ARIH1: variants seen among roughly 807,000 people sequenced by gnomAD.
ARIH1 encodes the protein ariadne RBR E3 ubiquitin protein ligase 1.
Under a neutral mutation model 85.0 loss-of-function variants are expected in ARIH1, and 8 were observed. The ratio of observed to expected loss-of-function variants is 0.09; its 90% confidence interval spans 0.06 to 0.17. The LOEUF (loss-of-function observed/expected upper bound fraction) is 0.17, where lower values mean the gene tolerates loss of function less well. Ranked by LOEUF, ARIH1 falls within the 10% of genes least tolerant of loss-of-function variation. The pLI is 1.00. For missense variants in ARIH1, 311 were observed against 718.1 expected, an observed-to-expected ratio of 0.43 and a Z score of 6.48; for synonymous variants, 238 against 253.6, an observed-to-expected ratio of 0.94 and a Z score of 0.59.
At position 72,583,305 on chromosome 15, in the gene ARIH1, A is replaced by C. The variant is rs1158121438; in HGVS notation, c.*13A>C. 1.9e-6 allele frequency: 3 copies of C among 1,604,888 alleles called. No individual in the cohort carries two copies. In the Admixed American group the frequency reaches 5.1e-5, roughly 27 times the overall value. ...CATTGAGGACTGAGAATGGCCCTGC[A>C]TAAAATGAACTCTGAAAACTTTACC... On this transcript the variant is annotated 3_prime_UTR_variant, in exon 14 of 14. Coordinates refer to ENST00000379887, the MANE Select transcript of ARIH1 (RefSeq NM_005744.5).
At position 72,583,953 on chromosome 15, in the gene ARIH1, G is replaced by A. The variant is rs910960686; in HGVS notation, c.*661G>A. 6 of 152,180 alleles carry A rather than the reference G, an allele frequency of 3.9e-5. No homozygotes were observed. Among genetic ancestry groups the A allele is most frequent in the African/African-American group, 1.4e-4 (6 of 41,446 alleles). 9.4% of individuals were successfully genotyped at this position (152,180 alleles called of 1,614,324 possible). On this transcript the variant is annotated 3_prime_UTR_variant, in exon 14 of 14. Transcript: ENST00000379887. The stretch of plus-strand genomic sequence containing the variant: ...CATGGACAAAGCAAGCGTGGCACGT[G>A]TTTGCATAATGTTTAATTACAAAAA...
At chr15:72,517,937 A>G (rs1238703475) in intron 1 of ARIH1, 130 bp from the exon 2 acceptor site, 1 of 615,168 alleles carries the variant, frequency 1.6e-6, no homozygotes, top group African/African-American at 1.9e-5. Flanking sequence ...CCTTAGAGGA[A>G]TAAAGAAATA....
At chr15:72,569,333 T>TG (rs1379829325) in intron 9 of ARIH1, among the ~76,000 whole-genome samples, 6 of 151,960 alleles carry the variant, frequency 3.9e-5, no homozygotes, top group African/African-American at 1.5e-4. Flanking sequence ...GATTTGGACT[T>TG]GGAAAAAAAC....
rs2064377895 is a variant in ARIH1 at position 72,600,274 on chromosome 15, A to T, written c.*16982A>T. The T allele has an allele frequency of 6.6e-6, 1 of 152,216 alleles. No homozygotes were observed. The highest frequency in any genetic ancestry group is 1.5e-5 in the Non-Finnish European group (1 of 68,038). The allele number at this position is 152,216 out of a possible 1,614,324, so 9.4% of individuals were successfully genotyped here. On this transcript the variant is annotated 3_prime_UTR_variant, in exon 14 of 14. Coordinates refer to ENST00000379887, the MANE Select transcript of ARIH1 (RefSeq NM_005744.5). ...CCAGCACAGCTATATGATTTGAATA[A>T]TCTTGATAAGCAGGGTCACATTTGA...
intron 1 of ARIH1, among the ~76,000 whole-genome samples, chr15:72,480,017 G>A (rs376603233): frequency 9.4e-4 from 143 of 152,076 alleles, no homozygotes; most frequent in African/African-American, 3.1e-3. Context: ...ACAGGCAGCC[G>A]CTACCATGCC....
At chr15:72,521,716 T>C (rs1170881234) in intron 2 of ARIH1, among the ~76,000 whole-genome samples, 1 of 152,026 alleles carries the variant, frequency 6.6e-6, no homozygotes, top group Admixed American at 6.5e-5. Flanking sequence ...GCCTGGCTAA[T>C]TTTTGTATTT....
chr15:72,528,900 GGGCAAGA>G (rs2064042358), intron 2 of ARIH1, among the ~76,000 whole-genome samples: 1 of 152,054 alleles, frequency 6.6e-6, no homozygotes, highest in Admixed American at 6.6e-5. Context: ...GAGTAGTGAA[GGGCAAGA>G]GGCAAATGTA....
chr15:72,571,789 G>T (rs2064248551), intron 10 of ARIH1, among the ~76,000 whole-genome samples: 1 of 152,214 alleles, frequency 6.6e-6, no homozygotes. Context: ...TAGAAGGACA[G>T]TGTTTTCTAA....
intron 1 of ARIH1, among the ~76,000 whole-genome samples, chr15:72,514,224 C>T (rs1032602779): frequency 2.0e-5 from 3 of 151,800 alleles, no homozygotes; most frequent in African/African-American, 7.3e-5. Context: ...AGCTTGATAC[C>T]TTTTGATATC....
Position 72,474,777 on chromosome 15 carries a change from G to A in ARIH1, c.138G>A (p.Glu46=). 1.3e-6 allele frequency: 2 copies of A among 1,530,542 alleles called. No individual in the cohort carries two copies. The highest frequency in any genetic ancestry group is 1.8e-6 in the Non-Finnish European group (2 of 1,137,218). 94.8% of individuals were successfully genotyped at this position (1,530,542 alleles called of 1,614,324 possible). Residue 46 remains glutamate, a synonymous_variant, in exon 1 of 14, where the codon GAG becomes GAA. Transcript: ENST00000379887. ...ATACCCTGGATCTGGGCGAGGTGGA[G>A]CTGGTGGAGCCCGGGCTGGGCGTCG... ...DDDTLDLGEV[E]LVEPGLGVGG...
intron 1 of ARIH1, 143 bp downstream of exon 1, chr15:72,475,157 C>T: frequency 1.4e-6 from 2 of 1,417,432 alleles, no homozygotes; most frequent in East Asian, 3.0e-5. Context: ...GCTGCCTCTG[C>T]TGGGGATAGA....
rs2064358653 is a variant in ARIH1 at position 72,595,125 on chromosome 15, A to G, written c.*11833A>G. On this transcript the variant is annotated 3_prime_UTR_variant, in exon 14 of 14. Coordinates refer to ENST00000379887, the MANE Select transcript of ARIH1 (RefSeq NM_005744.5). ...TTATTTTGTTAAGATGGTATGTTAC[A>G]GGGGTTGGCAAACTGTGGCCCATGG... The G allele has an allele frequency of 6.6e-6, 1 of 152,172 alleles. No homozygotes were observed. Among genetic ancestry groups the G allele is most frequent in the African/African-American group, 2.4e-5 (1 of 41,434 alleles). 9.4% of individuals were successfully genotyped at this position (152,172 alleles called of 1,614,324 possible). A position where few individuals can be genotyped will look rare whatever the true frequency, so the allele number is the denominator to read the frequency against.
intron 3 of ARIH1, among the ~76,000 whole-genome samples, chr15:72,548,383 T>A (rs2064138555): frequency 6.6e-6 from 1 of 152,044 alleles, no homozygotes; most frequent in South Asian, 2.1e-4. Flanking sequence ...AAAAGTTAAT[T>A]TGAAATGAAA....
intron 1 of ARIH1, chr15:72,475,259 C>A: frequency 1.2e-6 from 1 of 821,734 alleles, no homozygotes; most frequent in Non-Finnish European, 1.7e-6. Context: ...CGGAGGCCTT[C>A]GGTCGCCTAA....
intron 1 of ARIH1, among the ~76,000 whole-genome samples, chr15:72,485,345 G>GTC (rs2140393140): frequency 6.6e-6 from 1 of 152,286 alleles, no homozygotes; most frequent in East Asian, 1.9e-4. Context: ...TCTCTGGGGG[G>GTC]TTTGGACCAG....
chr15:72,540,257 T>C (rs1443389164), intron 2 of ARIH1, among the ~76,000 whole-genome samples: 1 of 24,408 alleles, frequency 4.1e-5, no homozygotes, highest in Non-Finnish European at 9.6e-5. Context: ...AGACTTTGTC[T>C]CAAAAAAAAA....
At chr15:72,578,189 T>C (rs1178737129) in intron 11 of ARIH1, among the ~76,000 whole-genome samples, 1 of 152,210 alleles carries the variant, frequency 6.6e-6, no homozygotes, top group African/African-American at 2.4e-5. Context: ...GTCTCTTTCG[T>C]GATTTCCTTG....
intron 1 of ARIH1, among the ~76,000 whole-genome samples, chr15:72,499,121 G>A (rs1156476646): frequency 3.3e-5 from 5 of 150,996 alleles, no homozygotes; most frequent in Non-Finnish European, 7.4e-5. Context: ...GCTGGGAGGC[G>A]CACGCCACCA....
In ARIH1 at chr15:72,583,843, A is replaced by C. The variant is rs2064304571; in HGVS notation, c.*551A>C. ...GGGGTAGGCAGCAAGAGGATTCAAC[A>C]AACGAAAAACATAAAAACTTTGTAT... On this transcript the variant is annotated 3_prime_UTR_variant, in exon 14 of 14. Transcript: ENST00000379887. 6.6e-6 allele frequency: 1 copy of C among 152,342 alleles called. No homozygotes were observed. The highest frequency in any genetic ancestry group is 2.4e-5 in the African/African-American group (1 of 41,456). The allele number at this position is 152,342 out of a possible 1,614,324, so 9.4% of individuals were successfully genotyped here.
Sources: gnomAD v4.1 joint callset for allele counts (sites outside exome capture counted in the v4.1 genomes callset) on GRCh38, gnomAD v4.1.1 for gene constraint, MANE v1.5 for transcripts, NCBI Gene and HGNC (gene_info 2026-07-23, HGNC 2026-07-21) for gene names.